The following RPAP3 variants were observed in gnomAD, a reference collection of about 807,000 sequenced individuals.
RPAP3 encodes the protein RNA polymerase II associated protein 3, also known as RNA polymerase II-associated protein 3.
In RPAP3, 58 loss-of-function variants were observed where a neutral mutation model predicts 88.8. The observed-to-expected ratio is 0.65, with a 90% confidence interval of 0.53 to 0.81. RPAP3 has a LOEUF of 0.81. Ranked by LOEUF, RPAP3 falls within the 40% of genes least tolerant of loss-of-function variation. The pLI, the probability that RPAP3 is intolerant of heterozygous loss-of-function variation, is 0.00. For missense variants in RPAP3, 751 were observed against 764.3 expected, an observed-to-expected ratio of 0.98 and a Z score of 0.20; for synonymous variants, 255 against 259.9, an observed-to-expected ratio of 0.98 and a Z score of 0.18.
At chr12:47,687,620 T>C (rs940216463) in intron 8 of RPAP3, among the ~76,000 whole-genome samples, 1 of 152,300 alleles carries the variant, frequency 6.6e-6, no homozygotes, top group African/African-American at 2.4e-5. Flanking sequence ...ACTATGTATA[T>C]GTAAATATAT....
chr12:47,705,714 G>T lies in RPAP3; in HGVS notation c.-7+238C>A, dbSNP rs113244697. The stretch of plus-strand genomic sequence containing the variant: ...ACTGCAAAATCGCAGCAGGGTGGAG[G>T]GTCCGCCTGCAAAGCAGAGCGCGCA... On this transcript the variant is annotated intron_variant, in intron 1 of 16. Coordinates refer to ENST00000005386, the MANE Select transcript of RPAP3 (RefSeq NM_024604.3). 1.1e-4 allele frequency among the ~76,000 whole-genome samples: 17 copies of T among 152,284 alleles called. No individual in the cohort carries two copies. The South Asian group carries it at 3.5e-3, about 32-fold the overall frequency.
intron 3 of RPAP3, among the ~76,000 whole-genome samples, chr12:47,700,681 A>G (rs1243792706): frequency 6.6e-6 from 1 of 152,234 alleles, no homozygotes; most frequent in Non-Finnish European, 1.5e-5. Context: ...ACTGATGGTG[A>G]TTCTCCAAGT....
At position 47,663,304 on chromosome 12, in the gene RPAP3, A is replaced by G. The variant is rs1938796453; in HGVS notation, c.*201T>C. On this transcript the variant is annotated 3_prime_UTR_variant, in exon 17 of 17. Coordinates refer to ENST00000005386, the MANE Select transcript of RPAP3 (RefSeq NM_024604.3). Reference sequence around the variant, plus strand: ...CTTACAAATGTATCTCATTGTTTATATTTTTATTTTCAGAAAAACAGAGTT... The same window carrying G: ...CTTACAAATGTATCTCATTGTTTATGTTTTTATTTTCAGAAAAACAGAGTT... 2.4e-6 allele frequency: 1 copy of G among 425,056 alleles called. No homozygotes were observed. The highest frequency in any genetic ancestry group is 4.5e-5 in the South Asian group (1 of 22,356). The allele number at this position is 425,056 out of a possible 1,614,324, so 26.3% of individuals were successfully genotyped here. A position where few individuals can be genotyped will look rare whatever the true frequency, so the allele number is the denominator to read the frequency against.
At chr12:47,691,142 C>T (rs1010836984) in intron 5 of RPAP3, among the ~76,000 whole-genome samples, 3 of 152,106 alleles carry the variant, frequency 2.0e-5, no homozygotes, top group Non-Finnish European at 2.9e-5. Context: ...CATAACAGAA[C>T]TTCTTTCAAT....
At chr12:47,679,411 T>G (rs913357834) in intron 12 of RPAP3, 82 bp downstream of exon 12, 14 of 873,190 alleles carry the variant, frequency 1.6e-5, no homozygotes, top group Admixed American at 2.6e-5. Flanking sequence ...AAAAAAAAGT[T>G]TATTAATACA....
At chr12:47,672,671 A>G (rs1939023050) in intron 12 of RPAP3, among the ~76,000 whole-genome samples, 1 of 151,966 alleles carries the variant, frequency 6.6e-6, no homozygotes, top group Non-Finnish European at 1.5e-5. Context: ...ATCAACAGCA[A>G]TTTTTTTCCC....
At chr12:47,667,717 G>T in intron 15 of RPAP3, 37 bp downstream of exon 15, 1 of 1,128,346 alleles carries the variant, frequency 8.9e-7, no homozygotes, top group Non-Finnish European at 1.3e-6. Flanking sequence ...AACATTAAGT[G>T]AGGACTTACT....
chr12:47,683,009 A>G (rs1939255502), intron 9 of RPAP3, among the ~76,000 whole-genome samples: 1 of 152,156 alleles, frequency 6.6e-6, no homozygotes, highest in Non-Finnish European at 1.5e-5. Flanking sequence ...GTCCCCTGCA[A>G]TAACAGCCAT....
In RPAP3 at chr12:47,667,782, C is replaced by G; in HGVS notation, c.1783G>C (p.Val595Leu). 1 of 1,599,052 alleles carries G rather than the reference C, an allele frequency of 6.3e-7. No individual in the cohort carries two copies. The highest frequency in any genetic ancestry group is 8.5e-7 in the Non-Finnish European group (1 of 1,170,926). Residue 595 changes from valine to leucine, a missense_variant, in exon 15 of 17, where the codon GTT becomes CTT. Transcript: ENST00000005386. ...ATGTAAAAGTCATGCAGAATTTTAA[C>G]GATCTGGTTGAATACATCTGGATCC... ...NLDPDVFNQIVKILHDFYIEK... is the reference protein window; with the variant it reads ...NLDPDVFNQILKILHDFYIEK...
At chr12:47,699,068 G>A (rs560158350) in intron 3 of RPAP3, among the ~76,000 whole-genome samples, 9 of 152,162 alleles carry the variant, frequency 5.9e-5, no homozygotes, top group Non-Finnish European at 1.0e-4. Context: ...ATGCTGACAT[G>A]TATAGAAAAC....
At position 47,679,463 on chromosome 12, in the gene RPAP3, G is replaced by A. The variant is rs866132583; in HGVS notation, c.1287+30C>T. The A allele has an allele frequency of 2.9e-6, 4 of 1,403,106 alleles. No individual in the cohort carries two copies. In the Middle Eastern group the frequency reaches 5.4e-4, roughly 189 times the overall value. 86.9% of individuals were successfully genotyped at this position (1,403,106 alleles called of 1,614,324 possible). A position where few individuals can be genotyped will look rare whatever the true frequency, so the allele number is the denominator to read the frequency against. On this transcript the variant is annotated intron_variant, in intron 12 of 16. Transcript: ENST00000005386. Reference sequence around the variant, plus strand: ...TCTCCTATTACAACATATTTAAATGGCAAGGAAAAAATGAAAGTGCTTTAC... The same window carrying A: ...TCTCCTATTACAACATATTTAAATGACAAGGAAAAAATGAAAGTGCTTTAC...
chr12:47,683,381 T>C (rs1339911143), intron 9 of RPAP3, among the ~76,000 whole-genome samples: 1 of 152,220 alleles, frequency 6.6e-6, no homozygotes, highest in Non-Finnish European at 1.5e-5. Flanking sequence ...GAACACCTGA[T>C]ACATTTTAGC....
intron 10 of RPAP3, 95 bp downstream of exon 10, chr12:47,681,601 G>GTATCTT: frequency 7.8e-7 from 1 of 1,281,120 alleles, no homozygotes; most frequent in South Asian, 1.4e-5. Flanking sequence ...CCTAAGTTCA[G>GTATCTT]TATCTTTGAA....
At chr12:47,704,761 G>A (rs886209051) in intron 1 of RPAP3, among the ~76,000 whole-genome samples, 14 of 151,966 alleles carry the variant, frequency 9.2e-5, no homozygotes, top group Admixed American at 9.2e-4. Context: ...CGGCACTTTG[G>A]GAGGCAGAGG....
chr12:47,678,338 G>T (rs898212615), intron 12 of RPAP3, among the ~76,000 whole-genome samples: 2 of 152,190 alleles, frequency 1.3e-5, no homozygotes, highest in Admixed American at 6.5e-5. Flanking sequence ...CACAGGCATA[G>T]GCAAGGACTT....
chr12:47,687,726 T>C (rs1457405728), intron 8 of RPAP3, 150 bp downstream of exon 8: 5 of 714,126 alleles, frequency 7.0e-6, no homozygotes, highest in African/African-American at 1.8e-5. Context: ...TTTGAATTAG[T>C]AGGTCCCAGA....
chr12:47,673,511 AAG>A (rs1052754198), intron 12 of RPAP3, among the ~76,000 whole-genome samples: 4 of 151,966 alleles, frequency 2.6e-5, no homozygotes, highest in African/African-American at 9.7e-5. Flanking sequence ...GTATTAAACT[AAG>A]AAATCTATTT....
chr12:47,681,605 C>A (rs1939224230), intron 10 of RPAP3, 91 bp downstream of exon 10: 2 of 1,356,270 alleles, frequency 1.5e-6, no homozygotes, highest in Non-Finnish European at 2.0e-6. Flanking sequence ...AGTTCAGTAT[C>A]TTTGAACCAT....
rs982211073 is a variant in RPAP3 at position 47,662,705 on chromosome 12, T to C, written c.*800A>G. 4.6e-5 allele frequency: 7 copies of C among 152,240 alleles called. 1 individual carries two copies. The highest frequency in any genetic ancestry group is 1.3e-4 in the Admixed American group (2 of 15,280). The allele number at this position is 152,240 out of a possible 1,614,324, so 9.4% of individuals were successfully genotyped here. ...AGTATCAGTTGAGCACCTAACTATG[T>C]GCAAACGTCTGTGCTAGGTACTATG... On this transcript the variant is annotated 3_prime_UTR_variant, in exon 17 of 17. Coordinates refer to ENST00000005386, the MANE Select transcript of RPAP3 (RefSeq NM_024604.3).
Sources: gnomAD v4.1 joint callset for allele counts (sites outside exome capture counted in the v4.1 genomes callset) on GRCh38, gnomAD v4.1.1 for gene constraint, MANE v1.5 for transcripts, NCBI Gene and HGNC (gene_info 2026-07-23, HGNC 2026-07-21) for gene names.